LARS2: variants seen among roughly 807,000 people sequenced by gnomAD.
LARS2 encodes leucyl-tRNA synthetase 2, mitochondrial, also known as leucine--tRNA ligase, mitochondrial.
LARS2 carries 81 observed loss-of-function variants against 116.6 expected under a neutral mutation model. The ratio of observed to expected loss-of-function variants is 0.69; its 90% CI spans 0.58 to 0.84. LARS2 has a LOEUF of 0.84. Among genes scored for constraint, LARS2 ranks in the 40% least tolerant of loss-of-function variants. The probability of loss-of-function intolerance (pLI) is 0.00; values close to 1 mark genes in which losing one functional copy is unlikely to be tolerated. For missense variants in LARS2, 968 were observed against 1,114.5 expected, an observed-to-expected ratio of 0.87 and a Z score of 1.87; for synonymous variants, 396 against 407.2, an observed-to-expected ratio of 0.97 and a Z score of 0.33.
At chr3:45,498,280 T>C (rs1182029760) in intron 14 of LARS2, among the ~76,000 whole-genome samples, 1 of 152,216 alleles carries the variant, frequency 6.6e-6, no homozygotes, top group African/African-American at 2.4e-5. Context: ...TGTAGTTAGC[T>C]TCAGCCCCAG....
At chr3:45,522,764 C>T (rs534913131) in intron 19 of LARS2, among the ~76,000 whole-genome samples, 1 of 152,080 alleles carries the variant, frequency 6.6e-6, no homozygotes, top group South Asian at 2.1e-4. Context: ...CAAAAGTGTT[C>T]ATATGAGCTG....
rs749627411 is a variant in LARS2, at chr3:45,476,489, G to A, written c.880G>A (p.Glu294Lys). The change falls in exon 10 of 22, where the codon GAA becomes AAA. Residue 294 changes from glutamate (E) to lysine (K), a missense_variant. By Grantham distance (56) the Glu-to-Lys change is moderately conservative (BLOSUM62 1). Transcript: ENST00000645846. Reference protein sequence around the residue: ...TLKVHGQATGEKLTAYTATPE... With the variant: ...TLKVHGQATGKKLTAYTATPE... ...CCAGGTTCATGGGCAAGCCACGGGCGAAAAGCTGACTGCCTATACGGCCAC... is the reference window on the plus strand; with the variant it reads ...CCAGGTTCATGGGCAAGCCACGGGCAAAAAGCTGACTGCCTATACGGCCAC... 8.1e-6 allele frequency: 13 copies of A among 1,614,060 alleles called. No homozygotes were observed. The highest frequency in any genetic ancestry group is 4.5e-5 in the East Asian group (2 of 44,898).
intron 3 of LARS2, 50 bp from the exon 4 acceptor site, chr3:45,400,195 C>A: frequency 1.3e-6 from 2 of 1,566,954 alleles, no homozygotes; most frequent in South Asian, 1.2e-5. Context: ...TGTATACATG[C>A]AGAGTTCCCA....
intron 7 of LARS2, among the ~76,000 whole-genome samples, chr3:45,453,337 G>T (rs891088196): frequency 4.6e-5 from 7 of 152,094 alleles, no homozygotes; most frequent in Non-Finnish European, 1.5e-5. Flanking sequence ...TATCAGTCTT[G>T]TGCTGGTATT....
intron 16 of LARS2, among the ~76,000 whole-genome samples, chr3:45,513,609 A>G (rs1333734326): frequency 6.6e-6 from 1 of 152,164 alleles, no homozygotes; most frequent in East Asian, 1.9e-4. Context: ...GGGTACTCCC[A>G]GTGTTTCTCC....
At chr3:45,453,957 A>C (rs965259376) in intron 7 of LARS2, among the ~76,000 whole-genome samples, 2 of 152,114 alleles carry the variant, frequency 1.3e-5, no homozygotes, top group Non-Finnish European at 2.9e-5. Context: ...TATGCTGGCC[A>C]AGAGACAAAA....
intron 6 of LARS2, among the ~76,000 whole-genome samples, chr3:45,441,369 C>T (rs1698907779): frequency 6.6e-6 from 1 of 152,196 alleles, no homozygotes; most frequent in Admixed American, 6.5e-5. Flanking sequence ...GTTGATTTTT[C>T]CTGCAAGCCC....
chr3:45,474,559 A>G (rs1575277454), intron 9 of LARS2, among the ~76,000 whole-genome samples: 1 of 152,382 alleles, frequency 6.6e-6, no homozygotes, highest in South Asian at 2.1e-4. Context: ...CATTACAACC[A>G]AAATGATTCC....
chr3:45,491,471 T>C, intron 12 of LARS2, 46 bp from the exon 13 acceptor site: 1 of 1,591,336 alleles, frequency 6.3e-7, no homozygotes, highest in Non-Finnish European at 8.6e-7. Flanking sequence ...GGGTGGTGAC[T>C]GGTGCTATGC....
chr3:45,464,724 C>T (rs919538477), intron 8 of LARS2, among the ~76,000 whole-genome samples: 15 of 152,034 alleles, frequency 9.9e-5, no homozygotes, highest in African/African-American at 2.9e-4. Flanking sequence ...GGGGGAGGGG[C>T]GGCAGCACAA....
intron 20 of LARS2, among the ~76,000 whole-genome samples, chr3:45,532,349 T>C (rs1282728293): frequency 2.0e-5 from 3 of 152,252 alleles, no homozygotes; most frequent in African/African-American, 7.2e-5. Context: ...TGAGGTGATG[T>C]ATTATTTGCT....
chr3:45,437,415 G>T (rs1698825970), intron 6 of LARS2, among the ~76,000 whole-genome samples: 1 of 152,092 alleles, frequency 6.6e-6, no homozygotes, highest in African/African-American at 2.4e-5. Context: ...CCTCAATTCT[G>T]CAAAAAAGAG....
intron 7 of LARS2, among the ~76,000 whole-genome samples, chr3:45,450,562 A>G (rs1477437611): frequency 6.6e-6 from 1 of 152,080 alleles, no homozygotes; most frequent in Non-Finnish European, 1.5e-5. Flanking sequence ...ATTGTTTTTT[A>G]TGGCTGAATA....
intron 20 of LARS2, among the ~76,000 whole-genome samples, chr3:45,524,802 C>T (rs1045117564): frequency 6.6e-6 from 1 of 152,194 alleles, no homozygotes; most frequent in African/African-American, 2.4e-5. Flanking sequence ...AAAAAGATCT[C>T]TCCTAATTAA....
chr3:45,541,587 G>GA, intron 20 of LARS2: 1 of 507,586 alleles, frequency 2.0e-6, no homozygotes, highest in Non-Finnish European at 3.5e-6. Flanking sequence ...GCACACTTTA[G>GA]AATGGCTTAT....
At chr3:45,501,184 C>T (rs1300602053) in intron 15 of LARS2, among the ~76,000 whole-genome samples, 1 of 54,496 alleles carries the variant, frequency 1.8e-5, no homozygotes, top group Non-Finnish European at 6.8e-5. Context: ...TATGAACATA[C>T]ATGCCCCACT....
intron 7 of LARS2, among the ~76,000 whole-genome samples, chr3:45,456,747 G>A (rs993870658): frequency 2.0e-5 from 3 of 152,100 alleles, no homozygotes; most frequent in African/African-American, 7.2e-5. Context: ...AGGCTTTTGG[G>A]AACCCTATCT....
At chr3:45,536,739 A>G (rs1700712245) in intron 20 of LARS2, among the ~76,000 whole-genome samples, 1 of 152,216 alleles carries the variant, frequency 6.6e-6, no homozygotes, top group African/African-American at 2.4e-5. Flanking sequence ...GTGTTTTGTA[A>G]AGCATTCAAC....
chr3:45,448,792 C>G (rs1029493673), intron 7 of LARS2, among the ~76,000 whole-genome samples: 2 of 152,232 alleles, frequency 1.3e-5, no homozygotes, highest in Non-Finnish European at 2.9e-5. Flanking sequence ...GGTTTTCCCC[C>G]CTGGGCAGGC....
Sources: gnomAD v4.1 joint callset for allele counts (sites outside exome capture counted in the v4.1 genomes callset) on GRCh38, gnomAD v4.1.1 for gene constraint, MANE v1.5 for transcripts, NCBI Gene and HGNC (gene_info 2026-07-23, HGNC 2026-07-21) for gene names.